VPS13C: variants seen among roughly 807,000 people sequenced by gnomAD.
VPS13C encodes intermembrane lipid transfer protein VPS13C.
A neutral mutation model predicts 456.8 loss-of-function variants in VPS13C; 358 were observed. That is an observed-to-expected ratio of 0.78 (90% CI 0.72 to 0.86). The LOEUF is 0.86. Among genes scored for constraint, VPS13C ranks in the 40% least tolerant of loss-of-function variants. VPS13C has a pLI of 0.00. For synonymous variants in VPS13C, 1,578 were observed against 1,486.7 expected, an observed-to-expected ratio of 1.06 and a Z score of -1.41; for missense variants, 4,818 against 4,385.4, an observed-to-expected ratio of 1.10 and a Z score of -2.79.
intron 51 of VPS13C, among the ~76,000 whole-genome samples, chr15:61,929,289 C>T (rs1309206347): frequency 6.6e-6 from 1 of 152,160 alleles, no homozygotes; most frequent in Non-Finnish European, 1.5e-5. Context: ...CAGTTGGAAC[C>T]AGCGGACTTT....
rs767962301 is a variant in VPS13C, at chr15:61,910,313, T to C, written c.8716-8A>G. Reference sequence around the variant, plus strand: ...TGGCCAAAATGGAAGGCACTAAAAATATAGAAGTTATTATCAGTCTTAAGA... The same window carrying C: ...TGGCCAAAATGGAAGGCACTAAAAACATAGAAGTTATTATCAGTCTTAAGA... On this transcript the variant is annotated splice_polypyrimidine_tract_variant and splice_region_variant and intron_variant, in intron 63 of 84. Coordinates refer to ENST00000644861, the MANE Select transcript of VPS13C (RefSeq NM_020821.3). 1.1e-5 allele frequency: 17 copies of C among 1,505,042 alleles called. No homozygotes were observed. The highest frequency in any genetic ancestry group is 1.4e-5 in the Non-Finnish European group (16 of 1,120,180). 93.2% of individuals were successfully genotyped at this position (1,505,042 alleles called of 1,614,324 possible). A position where few individuals can be genotyped will look rare whatever the true frequency, so the allele number is the denominator to read the frequency against.
chr15:62,024,868 C>A (rs562652787), intron 6 of VPS13C, among the ~76,000 whole-genome samples: 1 of 152,044 alleles, frequency 6.6e-6, no homozygotes, highest in African/African-American at 2.4e-5. Context: ...CATGTCATTC[C>A]GTGAACTTCC....
intron 62 of VPS13C, among the ~76,000 whole-genome samples, chr15:61,912,785 C>A: frequency 9.1e-6 from 1 of 109,610 alleles, no homozygotes; most frequent in African/African-American, 3.5e-5. Context: ...AATGCTATCC[C>A]TCCCCCCTCC....
intron 62 of VPS13C, among the ~76,000 whole-genome samples, chr15:61,912,723 T>C (rs1161561928): frequency 4.0e-5 from 6 of 151,626 alleles, no homozygotes; most frequent in Non-Finnish European, 7.4e-5. Context: ...ACATGTACCA[T>C]GCTGGTGTGC....
intron 76 of VPS13C, among the ~76,000 whole-genome samples, chr15:61,875,500 T>C (rs906314108): frequency 6.6e-6 from 1 of 152,040 alleles, no homozygotes; most frequent in Non-Finnish European, 1.5e-5. Context: ...CTCTAAATAT[T>C]CTTACAACTA....
chr15:61,918,111 T>A, intron 59 of VPS13C, 25 bp downstream of exon 59: 1 of 1,558,176 alleles, frequency 6.4e-7, no homozygotes, highest in Non-Finnish European at 8.6e-7. Flanking sequence ...ACATTTAAAG[T>A]TTAATACATT....
intron 22 of VPS13C, among the ~76,000 whole-genome samples, chr15:61,980,611 T>C (rs1815743455): frequency 6.6e-6 from 1 of 151,744 alleles, no homozygotes; most frequent in Non-Finnish European, 1.5e-5. Flanking sequence ...TTTGGCTTCT[T>C]CTAACTTTTT....
intron 3 of VPS13C, among the ~76,000 whole-genome samples, chr15:62,036,894 A>G (rs1164371738): frequency 6.6e-6 from 1 of 151,644 alleles, no homozygotes; most frequent in Non-Finnish European, 1.5e-5. Flanking sequence ...TTAGAAAACC[A>G]AATCACACTT....
chr15:61,892,560 T>A (rs1044126605), intron 66 of VPS13C, among the ~76,000 whole-genome samples: 4 of 151,974 alleles, frequency 2.6e-5, no homozygotes, highest in African/African-American at 9.7e-5. Context: ...CTGGAATAAA[T>A]AAATAATCCT....
chr15:62,015,788 AG>A (rs2047218148), intron 9 of VPS13C, among the ~76,000 whole-genome samples: 1 of 52,762 alleles, frequency 1.9e-5, no homozygotes, highest in African/African-American at 7.0e-5. Flanking sequence ...GGGTCGGGGG[AG>A]GGGGGAGGGG....
chr15:61,992,627 G>A (rs1567082742), intron 16 of VPS13C, among the ~76,000 whole-genome samples: 1 of 152,026 alleles, frequency 6.6e-6, no homozygotes, highest in Non-Finnish European at 1.5e-5. Flanking sequence ...CTAAGGATGG[G>A]CAAAATGTTA....
chr15:61,917,693 T>C, intron 59 of VPS13C, 58 bp from the exon 60 acceptor site: 6 of 1,530,798 alleles, frequency 3.9e-6, no homozygotes, highest in South Asian at 2.5e-5. Context: ...AAAAAAAGCA[T>C]CTCATTAAAT....
chr15:62,007,020 T>G (rs186588906), intron 15 of VPS13C, among the ~76,000 whole-genome samples: 164 of 152,308 alleles, frequency 1.1e-3, no homozygotes, highest in African/African-American at 3.7e-3. Context: ...AACACATATT[T>G]AAACAGCTCT....
chr15:62,060,024 G>A (rs1596552183), intron 1 of VPS13C, among the ~76,000 whole-genome samples: 1 of 152,208 alleles, frequency 6.6e-6, no homozygotes, highest in Non-Finnish European at 1.5e-5. Context: ...GCCAGGGCTT[G>A]GCCTCGGGGG....
chr15:61,917,711 A>G, intron 59 of VPS13C, 76 bp from the exon 60 acceptor site: 1 of 1,455,904 alleles, frequency 6.9e-7, no homozygotes, highest in Non-Finnish European at 9.3e-7. Flanking sequence ...AATCTTCCTG[A>G]CAACTCTACA....
intron 5 of VPS13C, among the ~76,000 whole-genome samples, chr15:62,032,785 G>A (rs1330137197): frequency 6.6e-6 from 1 of 151,678 alleles, no homozygotes; most frequent in Non-Finnish European, 1.5e-5. Flanking sequence ...ATCAGCAATT[G>A]TTGATTGAGA....
intron 66 of VPS13C, among the ~76,000 whole-genome samples, chr15:61,891,356 A>G (rs1011122108): frequency 5.9e-5 from 9 of 152,244 alleles, no homozygotes; most frequent in Non-Finnish European, 1.2e-4. Context: ...TACCAAGAGT[A>G]TAAGAATAGT....
chr15:61,889,127 A>T (rs374846159), intron 67 of VPS13C, among the ~76,000 whole-genome samples: 89 of 152,212 alleles, frequency 5.8e-4, no homozygotes, highest in African/African-American at 2.1e-3. Context: ...TTTTAGATAA[A>T]TTTTTTAATG....
intron 5 of VPS13C, among the ~76,000 whole-genome samples, chr15:62,029,321 A>C (rs1555447844): frequency 6.6e-6 from 1 of 152,150 alleles, no homozygotes; most frequent in Non-Finnish European, 1.5e-5. Context: ...ATTACCATTA[A>C]CATCATCAGA....
Sources: gnomAD v4.1 joint callset for allele counts (sites outside exome capture counted in the v4.1 genomes callset) on GRCh38, gnomAD v4.1.1 for gene constraint, MANE v1.5 for transcripts, NCBI Gene and HGNC (gene_info 2026-07-23, HGNC 2026-07-21) for gene names.